The following AMPH variants were observed in gnomAD, a reference collection of about 807,000 sequenced individuals.
AMPH encodes the protein amphiphysin.
Under a neutral mutation model 99.1 loss-of-function variants are expected in AMPH, and 49 were observed. That is an observed-to-expected ratio of 0.49 (90% CI 0.39 to 0.63). AMPH has a LOEUF of 0.63. AMPH is among the 20% of genes least tolerant of loss of function. The probability of loss-of-function intolerance (pLI) is 0.00; values close to 1 mark genes in which losing one functional copy is unlikely to be tolerated. For missense variants in AMPH, 759 were observed against 863.4 expected (o/e 0.88, Z 1.52); for synonymous variants, 314 against 317.3 (o/e 0.99, Z 0.11).
At chr7:38,397,101 C>T (rs965090241) in intron 17 of AMPH, among the ~76,000 whole-genome samples, 2 of 152,200 alleles carry the variant, frequency 1.3e-5, no homozygotes, top group African/African-American at 2.4e-5. Context: ...CAGACACCAC[C>T]ACTACACACA....
At chr7:38,579,753 T>C (rs990607372) in intron 1 of AMPH, among the ~76,000 whole-genome samples, 3 of 152,226 alleles carry the variant, frequency 2.0e-5, no homozygotes, top group African/African-American at 7.2e-5. Context: ...TCAAAGTTGA[T>C]CATGGGAAGA....
intron 1 of AMPH, among the ~76,000 whole-genome samples, chr7:38,594,401 G>A (rs1358566532): frequency 1.3e-5 from 2 of 152,168 alleles, no homozygotes; most frequent in Non-Finnish European, 2.9e-5. Flanking sequence ...GCTGTTTGGA[G>A]GACAGCAACC....
intron 1 of AMPH, among the ~76,000 whole-genome samples, chr7:38,565,079 G>C (rs56267006): frequency 6.7e-6 from 1 of 149,874 alleles, no homozygotes; most frequent in Non-Finnish European, 1.5e-5. Context: ...AGCCGAGATC[G>C]TGCCACTGCA....
intron 17 of AMPH, among the ~76,000 whole-genome samples, chr7:38,412,774 C>T (rs958761857): frequency 6.6e-6 from 1 of 152,136 alleles, no homozygotes; most frequent in Non-Finnish European, 1.5e-5. Context: ...GGAAGGAGGA[C>T]GCAGCTGAGA....
chr7:38,603,495 T>G (rs1793326619), intron 1 of AMPH, among the ~76,000 whole-genome samples: 1 of 152,208 alleles, frequency 6.6e-6, no homozygotes, highest in East Asian at 1.9e-4. Flanking sequence ...TTGGACTCCA[T>G]GGGTGCCAGA....
At chr7:38,437,346 A>T (rs1786308360) in intron 11 of AMPH, among the ~76,000 whole-genome samples, 2 of 152,092 alleles carry the variant, frequency 1.3e-5, no homozygotes, top group African/African-American at 2.4e-5. Context: ...AATTCTTTTT[A>T]AAAAAACTTT....
chr7:38,504,023 A>C (rs1174814133), intron 2 of AMPH, among the ~76,000 whole-genome samples: 1 of 152,220 alleles, frequency 6.6e-6, no homozygotes, highest in Non-Finnish European at 1.5e-5. Flanking sequence ...AGTGATCACC[A>C]TTATCTAACA....
chr7:38,571,281 T>A (rs1010495917), intron 1 of AMPH, among the ~76,000 whole-genome samples: 1,410 of 44,050 alleles, frequency 0.032, 126 homozygotes, highest in African/African-American at 0.12. Context: ...ATATATATTT[T>A]TATATATATT....
intron 11 of AMPH, among the ~76,000 whole-genome samples, chr7:38,453,739 C>G (rs1035537377): frequency 2.0e-5 from 3 of 152,180 alleles, no homozygotes; most frequent in African/African-American, 7.2e-5. Context: ...TGGGGATGTC[C>G]TCAGCTAAGC....
chr7:38,472,213 T>C (rs916722401), intron 7 of AMPH, among the ~76,000 whole-genome samples: 8 of 152,202 alleles, frequency 5.3e-5, no homozygotes, highest in African/African-American at 1.4e-4. Flanking sequence ...TACCCAGTAT[T>C]ATGCATTTCC....
intron 19 of AMPH, among the ~76,000 whole-genome samples, chr7:38,390,667 A>AT (rs1317556445): frequency 6.6e-6 from 1 of 152,034 alleles, no homozygotes; most frequent in Non-Finnish European, 1.5e-5. Flanking sequence ...CCCTAAATTA[A>AT]TTTTTCTGAT....
chr7:38,395,987 A>G (rs922760983), intron 17 of AMPH, among the ~76,000 whole-genome samples: 1 of 152,256 alleles, frequency 6.6e-6, no homozygotes, highest in African/African-American at 2.4e-5. Flanking sequence ...AATGAAAAAG[A>G]AATGTTAACA....
chr7:38,432,587 T>TACACACACACACAC (rs10556315), intron 12 of AMPH, among the ~76,000 whole-genome samples: 5 of 148,064 alleles, frequency 3.4e-5, no homozygotes, highest in Non-Finnish European at 6.0e-5. Context: ...GTTATTTTAA[T>TACACACACACACAC]ACACACACAC....
intron 1 of AMPH, among the ~76,000 whole-genome samples, chr7:38,605,258 TGA>T (rs1793393309): frequency 6.6e-6 from 1 of 151,896 alleles, no homozygotes; most frequent in South Asian, 2.1e-4. Context: ...GTTTGGGTAT[TGA>T]GAGAGAAAGC....
chr7:38,457,669 G>T (rs1168476560), intron 11 of AMPH, among the ~76,000 whole-genome samples: 1 of 152,148 alleles, frequency 6.6e-6, no homozygotes, highest in African/African-American at 2.4e-5. Context: ...CCCAAGTCTA[G>T]CAAGAGACCT....
At chr7:38,629,200 G>T (rs1794368652) in intron 1 of AMPH, among the ~76,000 whole-genome samples, 1 of 152,140 alleles carries the variant, frequency 6.6e-6, no homozygotes, top group South Asian at 2.1e-4. Context: ...TTTGGGCTGG[G>T]CTGCTTTACC....
chr7:38,483,171 C>G (rs933736009), intron 5 of AMPH, among the ~76,000 whole-genome samples: 2 of 152,092 alleles, frequency 1.3e-5, no homozygotes, highest in Non-Finnish European at 2.9e-5. Context: ...CAAGGGAGTG[C>G]CTTCTACTTG....
intron 14 of AMPH, 195 bp downstream of exon 14, chr7:38,429,647 T>G (rs1785927580): frequency 2.2e-5 from 31 of 1,400,666 alleles, no homozygotes; most frequent in Non-Finnish European, 2.9e-5. Flanking sequence ...TGGTAAGATT[T>G]GATGAGAAAC....
chr7:38,545,010 A>G (rs975158446), intron 1 of AMPH, among the ~76,000 whole-genome samples: 3 of 152,218 alleles, frequency 2.0e-5, no homozygotes, highest in African/African-American at 4.8e-5. Flanking sequence ...TGTAGAGTCT[A>G]TGGAAACATC....
Sources: allele counts gnomAD v4.1 joint callset (sites outside exome capture counted in the v4.1 genomes callset), GRCh38; gene constraint gnomAD v4.1.1; transcripts MANE v1.5; gene names NCBI Gene and HGNC (gene_info 2026-07-23, HGNC 2026-07-21).